EDIL3: variants seen among roughly 807,000 people sequenced by gnomAD.
The protein encoded by EDIL3 is EGF like and discoidin domains 3.
A neutral mutation model predicts 67.4 loss-of-function variants in EDIL3; 37 were observed. That is an observed-to-expected ratio of 0.55 (90% CI 0.42 to 0.72). EDIL3 has a LOEUF of 0.72. Among genes scored for constraint, EDIL3 ranks in the 30% least tolerant of loss-of-function variants. The pLI is 0.00. For synonymous variants in EDIL3, 195 were observed against 196.3 expected (o/e 0.99, Z 0.05); for missense variants, 527 against 586.3 (o/e 0.90, Z 1.04).
chr5:84,331,714 T>G (rs537987737), intron 1 of EDIL3, among the ~76,000 whole-genome samples: 2 of 152,290 alleles, frequency 1.3e-5, no homozygotes, highest in Non-Finnish European at 2.9e-5. Flanking sequence ...TCAAAATATA[T>G]TTTATATGAA....
At chr5:84,096,496 T>C (rs1561430251) in intron 6 of EDIL3, among the ~76,000 whole-genome samples, 1 of 152,220 alleles carries the variant, frequency 6.6e-6, no homozygotes, top group Non-Finnish European at 1.5e-5. Context: ...CCCTTTGTTT[T>C]GGCCGATTTC....
intron 1 of EDIL3, among the ~76,000 whole-genome samples, chr5:84,275,235 C>A (rs778627161): frequency 6.6e-6 from 1 of 152,160 alleles, no homozygotes; most frequent in Non-Finnish European, 1.5e-5. Flanking sequence ...TAAGGCAAGA[C>A]TAGAAACCAG....
At chr5:83,985,287 T>C (rs1289317741) in intron 9 of EDIL3, among the ~76,000 whole-genome samples, 1 of 152,054 alleles carries the variant, frequency 6.6e-6, no homozygotes, top group African/African-American at 2.4e-5. Context: ...CATAATGATT[T>C]CTCTAGTTTA....
chr5:84,312,493 G>C (rs1188032021), intron 1 of EDIL3, among the ~76,000 whole-genome samples: 1 of 147,242 alleles, frequency 6.8e-6, no homozygotes, highest in Admixed American at 6.7e-5. Context: ...GGACAGGGCG[G>C]CTGGCCGGGC....
intron 9 of EDIL3, among the ~76,000 whole-genome samples, chr5:84,014,173 T>C (rs1490566523): frequency 6.6e-6 from 1 of 152,190 alleles, no homozygotes; most frequent in Non-Finnish European, 1.5e-5. Context: ...GCTGGCATTG[T>C]ATAAATATGA....
intron 9 of EDIL3, among the ~76,000 whole-genome samples, chr5:84,033,639 G>A (rs1745967114): frequency 6.7e-6 from 1 of 148,990 alleles, no homozygotes; most frequent in Non-Finnish European, 1.5e-5. Context: ...AGGAGGCGGA[G>A]GTTGCAGTGA....
chr5:84,259,201 T>C (rs867750073), intron 1 of EDIL3, among the ~76,000 whole-genome samples: 7 of 152,178 alleles, frequency 4.6e-5, no homozygotes, highest in Middle Eastern at 3.4e-3. Context: ...CCTCATGATC[T>C]GCCTGCCTTG....
intron 2 of EDIL3, among the ~76,000 whole-genome samples, chr5:84,241,289 T>G (rs1347858102): frequency 6.6e-6 from 1 of 152,210 alleles, no homozygotes; most frequent in Admixed American, 6.5e-5. Context: ...TAATGTTCTT[T>G]TTTCCCTATG....
At chr5:84,050,036 A>T (rs1374928176) in intron 9 of EDIL3, among the ~76,000 whole-genome samples, 2 of 151,862 alleles carry the variant, frequency 1.3e-5, no homozygotes, top group Non-Finnish European at 2.9e-5. Context: ...CGTCTCTACT[A>T]AAAATACAAA....
chr5:84,238,665 G>GCT (rs1554037699), intron 2 of EDIL3, among the ~76,000 whole-genome samples: 1 of 101,106 alleles, frequency 9.9e-6, no homozygotes, highest in African/African-American at 3.8e-5. Flanking sequence ...AAAATTAAAT[G>GCT]TTTTTTTTTT....
At chr5:84,000,782 C>T (rs545835572) in intron 9 of EDIL3, among the ~76,000 whole-genome samples, 1 of 151,654 alleles carries the variant, frequency 6.6e-6, no homozygotes, top group Non-Finnish European at 1.5e-5. Context: ...TCACTAAGCA[C>T]AATGGAATAA....
At position 84,060,830 on chromosome 5, in the gene EDIL3, T is replaced by C. The variant is rs367848581; in HGVS notation, c.953-346A>G. Among the ~76,000 whole-genome samples the C allele has an allele frequency of 9.2e-5, 14 of 152,290 alleles. No individual in the cohort carries two copies. In the East Asian group the frequency reaches 1.7e-3, roughly 19 times the overall value. On this transcript the variant is annotated intron_variant, in intron 8 of 10. Coordinates refer to ENST00000296591, the MANE Select transcript of EDIL3 (RefSeq NM_005711.5). ...TGGAGGCCTCCTGACTGCTCCCCAG[T>C]TTTCAACAGTTTCATTGTGTCTTTA...
At chr5:83,992,205 G>A (rs1745162199) in intron 9 of EDIL3, among the ~76,000 whole-genome samples, 1 of 152,122 alleles carries the variant, frequency 6.6e-6, no homozygotes, top group African/African-American at 2.4e-5. Context: ...ACCACTTAAA[G>A]GTAGACAGTG....
chr5:84,201,578 C>CT (rs199896809), intron 3 of EDIL3, among the ~76,000 whole-genome samples: 1,584 of 152,066 alleles, frequency 0.01, 33 homozygotes, highest in African/African-American at 0.036. Context: ...CTTTGTCTTA[C>CT]CCAGTATTAG....
chr5:84,271,930 C>G (rs1046151738), intron 1 of EDIL3, among the ~76,000 whole-genome samples: 1 of 152,112 alleles, frequency 6.6e-6, no homozygotes, highest in African/African-American at 2.4e-5. Flanking sequence ...GCTTTTTTCT[C>G]AGAAGATTTT....
intron 3 of EDIL3, among the ~76,000 whole-genome samples, chr5:84,207,701 C>A (rs373769991): frequency 5.4e-4 from 82 of 151,352 alleles, no homozygotes; most frequent in East Asian, 3.9e-3. Flanking sequence ...AAACAGAGAT[C>A]TAGATCAATG....
At chr5:84,314,525 A>G (rs989448540) in intron 1 of EDIL3, among the ~76,000 whole-genome samples, 2 of 152,242 alleles carry the variant, frequency 1.3e-5, no homozygotes, top group African/African-American at 4.8e-5. Context: ...GTACAGAAAT[A>G]TAAGTTAAAA....
At chr5:84,310,340 G>A (rs72778410) in intron 1 of EDIL3, among the ~76,000 whole-genome samples, 13,428 of 152,118 alleles carry the variant, frequency 0.088, 742 homozygotes, top group South Asian at 0.2. Context: ...ATTTTTACAC[G>A]TGGGGGGAGG....
At chr5:84,332,800 A>G (rs977591781) in intron 1 of EDIL3, among the ~76,000 whole-genome samples, 1 of 152,176 alleles carries the variant, frequency 6.6e-6, no homozygotes, top group African/African-American at 2.4e-5. Flanking sequence ...AAGAGCTGGA[A>G]CTATAATTAA....
Sources: allele counts gnomAD v4.1 joint callset (sites outside exome capture counted in the v4.1 genomes callset), GRCh38; gene constraint gnomAD v4.1.1; transcripts MANE v1.5; gene names NCBI Gene and HGNC (gene_info 2026-07-23, HGNC 2026-07-21).